Variants in SFI1 observed in about 807,000 individuals in gnomAD.
SFI1 encodes SFI1 centrin binding protein.
SFI1 carries 195 observed loss-of-function variants against 207.5 expected under a neutral mutation model. That is an observed-to-expected ratio of 0.94 (90% CI 0.84 to 1.06). The LOEUF is 1.06. SFI1 is among the 50% of genes least tolerant of loss of function. The probability of loss-of-function intolerance (pLI) is 0.00; values close to 1 mark genes in which losing one functional copy is unlikely to be tolerated. For synonymous variants in SFI1, 630 were observed against 598.9 expected (o/e 1.05, Z -0.76); for missense variants, 1,634 against 1,588.0 (o/e 1.03, Z -0.49).
chr22:31,520,963 A>G (rs12484758), intron 2 of SFI1, among the ~76,000 whole-genome samples: 1 of 143,934 alleles, frequency 6.9e-6, no homozygotes, highest in African/African-American at 2.6e-5. Flanking sequence ...TGATTGTTCC[A>G]CTGCATTCCA....
chr22:31,615,457 C>G, intron 29 of SFI1, 178 bp downstream of exon 29: 3 of 495,166 alleles, frequency 6.1e-6, no homozygotes, highest in East Asian at 3.3e-5. Context: ...CAGCAGTGAA[C>G]AGCCAGCCAA....
intron 31 of SFI1, 94 bp from the exon 32 acceptor site, chr22:31,618,021 C>T: frequency 2.2e-6 from 3 of 1,378,566 alleles, no homozygotes; most frequent in Non-Finnish European, 2.9e-6. Flanking sequence ...CACCCGATAC[C>T]CGCATCAGAA....
chr22:31,507,125 C>T (rs1441099985), intron 1 of SFI1, among the ~76,000 whole-genome samples: 1 of 152,144 alleles, frequency 6.6e-6, no homozygotes, highest in African/African-American at 2.4e-5. Context: ...GTTACAGTAA[C>T]AAAAACAGAA....
chr22:31,530,386 A>T (rs2058378172), intron 3 of SFI1, among the ~76,000 whole-genome samples: 1 of 145,938 alleles, frequency 6.9e-6, no homozygotes, highest in Admixed American at 7.0e-5. Flanking sequence ...GCTACTCGGG[A>T]GGCTGAGGCA....
rs1388410767 is a variant in SFI1, at chr22:31,591,573, C to A, written c.1544+1996C>A. ...GCAGAGGCGCCCCTCACCTCCCGGA[C>A]GGGGCGGCTGGCCGGGCAGGGGGGC... On this transcript the variant is annotated intron_variant, in intron 15 of 32. Coordinates refer to ENST00000400288, the MANE Select transcript of SFI1 (RefSeq NM_001007467.3). 3.6e-5 allele frequency among the ~76,000 whole-genome samples: 5 copies of A among 138,170 alleles called. No homozygotes were observed. In the East Asian group the frequency reaches 1.1e-3, roughly 30 times the overall value. 90.6% of individuals were successfully genotyped at this position (138,170 alleles called of 152,430 possible). A position where few individuals can be genotyped will look rare whatever the true frequency, so the allele number is the denominator to read the frequency against.
chr22:31,611,740 C>G (rs945375199), intron 23 of SFI1, 26 bp from the exon 24 acceptor site: 1 of 1,608,726 alleles, frequency 6.2e-7, no homozygotes, highest in Non-Finnish European at 8.5e-7. Context: ...CAGGACGCCA[C>G]TCTCTGTGCA....
chr22:31,523,194 G>C (rs547943176), intron 2 of SFI1, among the ~76,000 whole-genome samples: 1 of 152,136 alleles, frequency 6.6e-6, no homozygotes, highest in Non-Finnish European at 1.5e-5. Context: ...TGTAGTAATA[G>C]ATAATTATTT....
At chr22:31,605,201 G>A (rs556040532) in intron 20 of SFI1, 2 of 323,196 alleles carry the variant, frequency 6.2e-6, no homozygotes, top group East Asian at 4.9e-5. Flanking sequence ...TTGCTCTTCT[G>A]AGCACTTTTT....
intron 6 of SFI1, among the ~76,000 whole-genome samples, chr22:31,555,911 C>T (rs766611893): frequency 6.6e-6 from 1 of 152,092 alleles, no homozygotes; most frequent in Non-Finnish European, 1.5e-5. Flanking sequence ...ATAGTCCTGT[C>T]GACTACATCT....
intron 6 of SFI1, chr22:31,550,635 A>T: frequency 3.2e-6 from 1 of 313,526 alleles, no homozygotes. Context: ...GCTGGCTGTG[A>T]CTCTCCTGTG....
intron 2 of SFI1, among the ~76,000 whole-genome samples, chr22:31,517,955 C>T (rs1443404976): frequency 6.6e-6 from 1 of 151,990 alleles, no homozygotes; most frequent in Admixed American, 6.6e-5. Context: ...CTTGTGAAGT[C>T]CTCTCCCTCC....
chr22:31,569,619 G>A (rs2062742176), intron 8 of SFI1, among the ~76,000 whole-genome samples: 1 of 152,104 alleles, frequency 6.6e-6, no homozygotes, highest in Admixed American at 6.6e-5. Flanking sequence ...AACAATTAAA[G>A]CGAACCAAAA....
intron 15 of SFI1, among the ~76,000 whole-genome samples, chr22:31,591,318 G>A (rs923002049): frequency 2.6e-5 from 4 of 152,108 alleles, no homozygotes; most frequent in Non-Finnish European, 5.9e-5. Context: ...CCAAGGCAGA[G>A]GAATTTTTCT....
chr22:31,602,486 C>G, intron 16 of SFI1, 121 bp from the exon 17 acceptor site: 1 of 1,277,248 alleles, frequency 7.8e-7, no homozygotes, highest in South Asian at 1.3e-5. Flanking sequence ...TGGGCTGGAC[C>G]ACGTCCTGAC....
chr22:31,525,687 A>C (rs982593340), intron 2 of SFI1, among the ~76,000 whole-genome samples: 2 of 152,044 alleles, frequency 1.3e-5, no homozygotes, highest in Non-Finnish European at 2.9e-5. Context: ...ACTGTATTCC[A>C]GTGGGGCAAC....
At chr22:31,608,135 C>G (rs1398968089) in intron 22 of SFI1, 102 bp downstream of exon 22, 2 of 851,334 alleles carry the variant, frequency 2.3e-6, no homozygotes, top group African/African-American at 1.7e-5. Flanking sequence ...CTCATACATG[C>G]CAGTTCCCTG....
chr22:31,520,896 C>T (rs764751711), intron 2 of SFI1, among the ~76,000 whole-genome samples: 5 of 147,358 alleles, frequency 3.4e-5, no homozygotes, highest in Non-Finnish European at 5.9e-5. Context: ...ACCAGCTGCT[C>T]AGGAGTCTAA....
intron 14 of SFI1, among the ~76,000 whole-genome samples, chr22:31,585,824 G>C (rs553713751): frequency 2.6e-5 from 4 of 152,168 alleles, no homozygotes; most frequent in Admixed American, 1.3e-4. Context: ...GTGGGAAAGG[G>C]TTCAGTTGAT....
At chr22:31,586,332 G>A (rs1264970951) in intron 14 of SFI1, among the ~76,000 whole-genome samples, 2 of 152,166 alleles carry the variant, frequency 1.3e-5, no homozygotes, top group African/African-American at 4.8e-5. Flanking sequence ...TTTCCCCACA[G>A]GCTGTGAAGT....
Sources: allele counts gnomAD v4.1 joint callset (sites outside exome capture counted in the v4.1 genomes callset), GRCh38; gene constraint gnomAD v4.1.1; transcripts MANE v1.5; gene names NCBI Gene and HGNC (gene_info 2026-07-23, HGNC 2026-07-21).